ACSM3: variants seen among roughly 807,000 people sequenced by gnomAD.
ACSM3 encodes acyl-coenzyme A synthetase ACSM3, mitochondrial.
ACSM3 carries 61 observed loss-of-function variants against 74.1 expected under a neutral mutation model. That is an observed-to-expected ratio of 0.82 (90% confidence interval 0.67 to 1.02). The LOEUF (loss-of-function observed/expected upper bound fraction) is 1.02, where lower values mean the gene tolerates loss of function less well. Among genes scored for constraint, ACSM3 ranks in the 50% least tolerant of loss-of-function variants. The pLI, the probability that ACSM3 is intolerant of heterozygous loss-of-function variation, is 0.00. For missense variants in ACSM3, 660 were observed against 697.0 expected, an observed-to-expected ratio of 0.95 and a Z score of 0.60; for synonymous variants, 213 against 241.5, an observed-to-expected ratio of 0.88 and a Z score of 1.09.
At chr16:20,738,882 A>C in intron 1 of ACSM3, 1 of 1,612,700 alleles carries the variant, frequency 6.2e-7, no homozygotes, top group Admixed American at 1.7e-5. Flanking sequence ...TAATCTTAGC[A>C]AGTATTTGTC....
At chr16:20,729,536 T>C (rs1394713087) in intron 1 of ACSM3, 2 of 548,184 alleles carry the variant, frequency 3.6e-6, no homozygotes, top group Non-Finnish European at 6.8e-6. Context: ...CAGTAGTCCA[T>C]ATCCAATTTG....
At chr16:20,695,733 T>C (rs1171373806) in intron 1 of ACSM3, among the ~76,000 whole-genome samples, 1 of 152,168 alleles carries the variant, frequency 6.6e-6, no homozygotes. Context: ...TCTCCAAGTG[T>C]TGAGGACTGA....
At chr16:20,754,077 G>A (rs755779422) in intron 2 of ACSM3, among the ~76,000 whole-genome samples, 6 of 152,196 alleles carry the variant, frequency 3.9e-5, no homozygotes, top group Non-Finnish European at 8.8e-5. Context: ...GTCATTGGAA[G>A]GAATGCAGAA....
rs538744720 is a variant in ACSM3 at position 20,693,754 on chromosome 16, G to T, written c.-190+18932G>T. Among the ~76,000 whole-genome samples the T allele has an allele frequency of 9.2e-5, 14 of 152,296 alleles. No homozygotes were observed. The East Asian group carries it at 2.7e-3, about 29-fold the overall frequency. On this transcript the variant is annotated intron_variant, in intron 1 of 3. Coordinates refer to the ACSM3 transcript ENST00000561584. Reference sequence around the variant, plus strand: ...CACTTATTGTAGCTGTCCAGCCCCTGTGTATATTTGAGCTTAAAATCTCTA... The same window carrying T: ...CACTTATTGTAGCTGTCCAGCCCCTTTGTATATTTGAGCTTAAAATCTCTA...
intron 1 of ACSM3, chr16:20,742,193 A>C (rs1159765020): frequency 2.3e-5 from 11 of 483,698 alleles, no homozygotes; most frequent in Non-Finnish European, 3.3e-5. Flanking sequence ...AGGTTGCATG[A>C]GCCCCTTGAG....
rs757258795 is a variant in ACSM3, at chr16:20,777,467, T to A, written c.525T>A (p.Asp175Glu). 1 of 1,614,108 alleles carries A rather than the reference T, an allele frequency of 6.2e-7. No homozygotes were observed. The highest frequency in any genetic ancestry group is 8.5e-7 in the Non-Finnish European group (1 of 1,179,954). Reference sequence around the variant, plus strand: ...AAGCAAACTGCATTATCACCAATGATGTTTTAGCCCCAGCAGTAGACGCTG... The same window carrying A: ...AAGCAAACTGCATTATCACCAATGAAGTTTTAGCCCCAGCAGTAGACGCTG... ...SSKANCIITN[D>E]VLAPAVDAVA... The change falls in exon 4 of 14, where the codon GAT becomes GAA. Residue 175 changes from aspartate to glutamate, a missense_variant. Asp to Glu is a conservative substitution (Grantham distance 45, BLOSUM62 2). Coordinates refer to ENST00000289416, the MANE Select transcript of ACSM3 (RefSeq NM_005622.4).
intron 1 of ACSM3, among the ~76,000 whole-genome samples, chr16:20,689,376 G>A (rs2079612433): frequency 6.6e-6 from 1 of 152,060 alleles, no homozygotes; most frequent in Admixed American, 6.6e-5. Context: ...AAAGATGTCA[G>A]TAAGAGAGGA....
intron 1 of ACSM3, chr16:20,721,843 T>C (rs1027514267): frequency 6.6e-6 from 1 of 152,226 alleles, no homozygotes; most frequent in Non-Finnish European, 1.5e-5. Context: ...ATATAATTCC[T>C]ACACCCTCTC....
intron 2 of ACSM3, among the ~76,000 whole-genome samples, chr16:20,752,470 G>T (rs2079996494): frequency 6.6e-6 from 1 of 152,192 alleles, no homozygotes. Flanking sequence ...TATGTTAGAA[G>T]ACTCTCTCAA....
At chr16:20,685,927 A>G (rs2079547282) in intron 1 of ACSM3, among the ~76,000 whole-genome samples, 2 of 151,744 alleles carry the variant, frequency 1.3e-5, no homozygotes, top group Non-Finnish European at 2.9e-5. Flanking sequence ...CTCAAGCCAC[A>G]TAAGACCATA....
chr16:20,757,801 A>C (rs2080043821), intron 3 of ACSM3, among the ~76,000 whole-genome samples: 1 of 151,628 alleles, frequency 6.6e-6, no homozygotes. Context: ...TTATTTTGAG[A>C]TACGTCCCAT....
intron 1 of ACSM3, among the ~76,000 whole-genome samples, chr16:20,748,195 G>A: frequency 6.6e-6 from 1 of 152,100 alleles, no homozygotes; most frequent in East Asian, 1.9e-4. Flanking sequence ...AAAGAGTCTA[G>A]GGTAACTGGA....
intron 1 of ACSM3, chr16:20,727,196 A>G (rs1399137682): frequency 2.8e-6 from 1 of 356,476 alleles, no homozygotes; most frequent in African/African-American, 2.2e-5. Flanking sequence ...ACAATACAGT[A>G]GGTGTTCAAC....
Position 20,691,100 on chromosome 16 carries a change from C to T in ACSM3, c.-190+16278C>T, listed in dbSNP as rs147062129. ...TGGGGCTCCAAATTCTGATAAAGAC[C>T]GGCAGCGCAGCTGTGAAGGGGCAGG... On this transcript the variant is annotated intron_variant, in intron 1 of 3. Coordinates refer to the ACSM3 transcript ENST00000561584. 123 of 1,613,480 alleles carry T rather than the reference C, an allele frequency of 7.6e-5. 1 individual carries two copies. The highest frequency in any genetic ancestry group is 2.5e-4 in the South Asian group (23 of 90,932).
intron 1 of ACSM3, among the ~76,000 whole-genome samples, chr16:20,699,558 A>G (rs1302949928): frequency 1.3e-5 from 2 of 152,200 alleles, no homozygotes; most frequent in Non-Finnish European, 2.9e-5. Flanking sequence ...GCATCAAAGT[A>G]CCAAAAAACA....
chr16:20,707,317 G>A (rs1282104824), intron 1 of ACSM3, among the ~76,000 whole-genome samples: 3 of 152,116 alleles, frequency 2.0e-5, no homozygotes, highest in Non-Finnish European at 4.4e-5. Context: ...GAATATTTCT[G>A]TCTCAGTTGT....
chr16:20,729,783 TAA>T (rs5816134), intron 1 of ACSM3, among the ~76,000 whole-genome samples: 64 of 142,860 alleles, frequency 4.5e-4, no homozygotes, highest in Admixed American at 4.2e-4. Flanking sequence ...TGCCTTAAGT[TAA>T]AAAAAAAAAA....
chr16:20,737,312 A>T (rs774943784), intron 1 of ACSM3: 3 of 1,582,974 alleles, frequency 1.9e-6, no homozygotes, highest in Non-Finnish European at 2.6e-6. Context: ...AAAAACACAT[A>T]GCTGAGGAGG....
chr16:20,742,077 C>G, intron 1 of ACSM3: 1 of 1,329,178 alleles, frequency 7.5e-7, no homozygotes, highest in Non-Finnish European at 9.7e-7. Context: ...ACCTTGGTAC[C>G]TGTTCCTCCA....
Sources: allele counts gnomAD v4.1 joint callset (sites outside exome capture counted in the v4.1 genomes callset), GRCh38; gene constraint gnomAD v4.1.1; transcripts MANE v1.5; gene names NCBI Gene and HGNC (gene_info 2026-07-23, HGNC 2026-07-21).